Variants in CACNA1C observed in about 807,000 individuals in gnomAD.
The protein encoded by CACNA1C is voltage-dependent L-type calcium channel subunit alpha-1C.
A neutral mutation model predicts 229.0 loss-of-function variants in CACNA1C; 30 were observed. The observed-to-expected ratio is 0.13, with a 90% confidence interval of 0.10 to 0.18. The LOEUF (loss-of-function observed/expected upper bound fraction) is 0.18, where lower values mean the gene tolerates loss of function less well. CACNA1C is among the 10% of genes least tolerant of loss of function. The pLI, the probability that CACNA1C is intolerant of heterozygous loss-of-function variation, is 1.00. For missense variants in CACNA1C, 1,658 were observed against 2,845.0 expected (o/e 0.58, Z 9.49); for synonymous variants, 1,114 against 1,132.5 (o/e 0.98, Z 0.33).
intron 3 of CACNA1C, among the ~76,000 whole-genome samples, chr12:2,249,373 C>T (rs773390307): frequency 6.6e-6 from 1 of 152,208 alleles, no homozygotes; most frequent in Non-Finnish European, 1.5e-5. Context: ...TTGTCTGTGA[C>T]TGTTTCTCTG....
chr12:2,298,280 C>A (rs745932400), intron 3 of CACNA1C, among the ~76,000 whole-genome samples: 2 of 152,220 alleles, frequency 1.3e-5, no homozygotes, highest in Non-Finnish European at 2.9e-5. Flanking sequence ...CTCAAGTTTA[C>A]AACGCAAGCA....
Position 2,142,854 on chromosome 12 carries a change from T to G in CACNA1C, c.477+22424T>G, listed in dbSNP as rs185474391. Among the ~76,000 whole-genome samples, 227 of 151,564 alleles carry G rather than the reference T, an allele frequency of 1.5e-3. 1 individual carries two copies. Among genetic ancestry groups the G allele is most frequent in the African/African-American group, 5.3e-3 (219 of 41,508 alleles). On this transcript the variant is annotated intron_variant, in intron 3 of 46. Coordinates refer to ENST00000399655, the MANE Select transcript of CACNA1C (RefSeq NM_000719.7). ...TTTGTACAGCTATACAGTGTGTTTG[T>G]GTTTTAAGCTAAGTGTTATTACAAA... is the stretch of plus-strand genomic sequence containing the variant.
At chr12:2,095,943 G>T (rs1161756824) in intron 1 of CACNA1C, among the ~76,000 whole-genome samples, 1 of 152,138 alleles carries the variant, frequency 6.6e-6, no homozygotes, top group Non-Finnish European at 1.5e-5. Context: ...AAGTGATCAG[G>T]CACTGAGTTG....
chr12:2,083,752 C>A (rs1565577071), intron 1 of CACNA1C, among the ~76,000 whole-genome samples: 1 of 152,148 alleles, frequency 6.6e-6, no homozygotes, highest in Non-Finnish European at 1.5e-5. Context: ...GTGCCAAGAA[C>A]CACAAGAGCT....
intron 3 of CACNA1C, among the ~76,000 whole-genome samples, chr12:2,265,603 C>T (rs2082093009): frequency 6.6e-6 from 1 of 152,268 alleles, no homozygotes; most frequent in Admixed American, 6.5e-5. Flanking sequence ...AGGGGACCAT[C>T]TTCCCTGCAA....
intron 1 of CACNA1C, among the ~76,000 whole-genome samples, chr12:1,975,655 G>A (rs1042014936): frequency 2.0e-5 from 3 of 152,126 alleles, no homozygotes; most frequent in Admixed American, 6.6e-5. Context: ...CAGATGCAGC[G>A]TATCAATCTG....
In CACNA1C at chr12:2,061,728, C is replaced by A. The variant is rs569764076; in HGVS notation, c.49+8117C>A. On this transcript the variant is annotated intron_variant, in intron 1 of 46. Transcript: ENST00000399655. ...GTCCTTTCATGGCCTGAAAATAGGG[C>A]CATTGAGGGCAGGAAGAACACCACC... Among the ~76,000 whole-genome samples the A allele has an allele frequency of 9.1e-4, 139 of 152,282 alleles. 1 individual carries two copies. The highest frequency in any genetic ancestry group is 3.1e-4 in the Non-Finnish European group (21 of 68,028).
intron 3 of CACNA1C, among the ~76,000 whole-genome samples, chr12:2,282,399 A>G (rs1240042505): frequency 6.6e-6 from 1 of 152,192 alleles, no homozygotes; most frequent in East Asian, 1.9e-4. Flanking sequence ...GAACGCCCGG[A>G]TTTCCCTCTC....
chr12:2,341,318 T>C (rs1405233071), intron 3 of CACNA1C, among the ~76,000 whole-genome samples: 1 of 152,164 alleles, frequency 6.6e-6, no homozygotes, highest in Non-Finnish European at 1.5e-5. Flanking sequence ...CACTTGGTCA[T>C]TGTTTTCCTT....
chr12:2,259,607 G>A (rs891129338), intron 3 of CACNA1C, among the ~76,000 whole-genome samples: 6 of 152,094 alleles, frequency 3.9e-5, no homozygotes, highest in African/African-American at 1.4e-4. Flanking sequence ...TTTTTGGCCC[G>A]GAGACAGCCT....
chr12:2,100,922 G>T (rs1412555921), intron 1 of CACNA1C, among the ~76,000 whole-genome samples: 1 of 150,660 alleles, frequency 6.6e-6, no homozygotes, highest in Non-Finnish European at 1.5e-5. Flanking sequence ...GATCACCTGA[G>T]TCTGGGGGAG....
At chr12:2,418,887 G>T (rs1406122647) in intron 3 of CACNA1C, among the ~76,000 whole-genome samples, 1 of 152,150 alleles carries the variant, frequency 6.6e-6, no homozygotes, top group Non-Finnish European at 1.5e-5. Flanking sequence ...GGGAGCTGAG[G>T]GGTTCTTTAC....
intron 1 of CACNA1C, among the ~76,000 whole-genome samples, chr12:1,987,824 T>G (rs1479068461): frequency 1.3e-5 from 2 of 152,194 alleles, no homozygotes; most frequent in African/African-American, 4.8e-5. Flanking sequence ...ATGATTACAT[T>G]TCCTTTTTTG....
intron 1 of CACNA1C, among the ~76,000 whole-genome samples, chr12:2,030,447 T>C (rs1012318922): frequency 4.6e-5 from 7 of 152,218 alleles, no homozygotes; most frequent in Non-Finnish European, 7.3e-5. Flanking sequence ...TAGGTTACTT[T>C]GCCAATAATG....
At position 2,479,579 on chromosome 12, in the gene CACNA1C, A is replaced by G. The variant is rs2099658687; in HGVS notation, c.758-6525A>G. On this transcript the variant is annotated intron_variant, in intron 5 of 46. Transcript: ENST00000399655. This position sits in a 1 kb window ranked among gnomAD's most constrained non-coding sequence, Gnocchi z 4.3. Reference sequence around the variant, plus strand: ...CTCTCAGTCAGCCATCATTCAGCTAATCAGACATCTGGATTAAGCAGTATG... The same window carrying G: ...CTCTCAGTCAGCCATCATTCAGCTAGTCAGACATCTGGATTAAGCAGTATG... 6.6e-6 allele frequency among the ~76,000 whole-genome samples: 1 copy of G among 152,204 alleles called. No homozygotes were observed.
At position 2,585,698 on chromosome 12, in the gene CACNA1C, A is replaced by G; in HGVS notation, c.2461-137A>G. Reference sequence around the variant, plus strand: ...ATCCCAGCCATCTGCTGATGTCTTGAAGGAGATATGCAAAGTGACAAGTAC... The same window carrying G: ...ATCCCAGCCATCTGCTGATGTCTTGGAGGAGATATGCAAAGTGACAAGTAC... On this transcript the variant is annotated intron_variant, in intron 17 of 46. Transcript: ENST00000399655. The surrounding 1 kb of genome is among the most constrained non-coding windows in gnomAD (Gnocchi z 4.1). 1.1e-6 allele frequency: 1 copy of G among 885,160 alleles called. No individual in the cohort carries two copies. Among genetic ancestry groups the G allele is most frequent in the South Asian group, 1.5e-5 (1 of 67,154 alleles). The allele number at this position is 885,160 out of a possible 1,614,324, so 54.8% of individuals were successfully genotyped here. A position where few individuals can be genotyped will look rare whatever the true frequency, so the allele number is the denominator to read the frequency against.
At chr12:2,126,100 T>C (rs1041647506) in intron 3 of CACNA1C, among the ~76,000 whole-genome samples, 3 of 152,044 alleles carry the variant, frequency 2.0e-5, no homozygotes, top group Admixed American at 6.5e-5. Flanking sequence ...TTCCAAGAGA[T>C]GAAAAGTATT....
Position 2,654,072 on chromosome 12 carries a change from C to T in CACNA1C, c.4140+172C>T, listed in dbSNP as rs973673538. On this transcript the variant is annotated intron_variant, in intron 33 of 46. Transcript: ENST00000399655. This position sits in a 1 kb window ranked among gnomAD's most constrained non-coding sequence, Gnocchi z 4.4. ...AAAAAGCCACAGGAATTGGAACTTT[C>T]CCCAAATGGATCTCCTGTAGGTAGC... 2.6e-5 allele frequency among the ~76,000 whole-genome samples: 4 copies of T among 152,180 alleles called. No individual in the cohort carries two copies. Among genetic ancestry groups the T allele is most frequent in the African/African-American group, 4.8e-5 (2 of 41,420 alleles).
chr12:2,664,009 G>T (rs1005964188), intron 34 of CACNA1C, among the ~76,000 whole-genome samples: 4 of 152,064 alleles, frequency 2.6e-5, no homozygotes, highest in African/African-American at 9.7e-5. Context: ...CAAAGTGCTG[G>T]GATTACAGGC....
Sources: gnomAD v4.1 joint callset for allele counts (sites outside exome capture counted in the v4.1 genomes callset) on GRCh38, gnomAD v4.1.1 for gene constraint, Gnocchi (gnomAD v3.1) non-coding constraint, MANE v1.5 for transcripts, NCBI Gene and HGNC (gene_info 2026-07-23, HGNC 2026-07-21) for gene names.